PI4KA: variants seen among roughly 807,000 people sequenced by gnomAD.
PI4KA encodes phosphatidylinositol 4-kinase alpha.
Under a neutral mutation model 271.4 loss-of-function variants are expected in PI4KA, and 122 were observed. The ratio of observed to expected loss-of-function variants is 0.45; its 90% CI spans 0.39 to 0.52. The LOEUF (loss-of-function observed/expected upper bound fraction) is 0.52. Among genes scored for constraint, PI4KA ranks in the 20% least tolerant of loss-of-function variants. PI4KA has a pLI of 0.00. For synonymous variants in PI4KA, 1,041 were observed against 1,078.8 expected (o/e 0.96, Z 0.69); for missense variants, 1,969 against 2,769.1 (o/e 0.71, Z 6.48).
intron 23 of PI4KA, among the ~76,000 whole-genome samples, chr22:20,757,078 A>G (rs780840767): frequency 1.3e-5 from 2 of 152,212 alleles, no homozygotes; most frequent in Non-Finnish European, 2.9e-5. Flanking sequence ...TGAGAACATA[A>G]CAGAGGCTCA....
rs751454774 is a variant in PI4KA at position 20,786,833 on chromosome 22, T to C, written c.2328+6360A>G. On this transcript the variant is annotated intron_variant, in intron 19 of 54. Coordinates refer to ENST00000255882, the MANE Select transcript of PI4KA (RefSeq NM_058004.4). ...TTGTGCTGGGAACTCTAGCCCTCTG[T>C]GTGCTGACCTCCAGAATCTGACAAC... The C allele has an allele frequency of 3.8e-6, 6 of 1,589,154 alleles. No homozygotes were observed. In the East Asian group the frequency reaches 1.1e-4, roughly 30 times the overall value.
intron 36 of PI4KA, among the ~76,000 whole-genome samples, chr22:20,732,122 C>A (rs994330714): frequency 6.8e-6 from 1 of 148,130 alleles, no homozygotes; most frequent in Non-Finnish European, 1.5e-5. Context: ...TGCAGTGAGC[C>A]GAGATTGTGC....
intron 28 of PI4KA, among the ~76,000 whole-genome samples, chr22:20,748,182 C>T (rs1930314815): frequency 6.6e-6 from 1 of 152,286 alleles, no homozygotes; most frequent in South Asian, 2.1e-4. Context: ...TGACCAGCTA[C>T]TGCTCATTTG....
At position 20,817,279 on chromosome 22, in the gene PI4KA, T is replaced by C. The variant is rs560366218; in HGVS notation, c.856+1204A>G. On this transcript the variant is annotated intron_variant, in intron 7 of 54. Coordinates refer to ENST00000255882, the MANE Select transcript of PI4KA (RefSeq NM_058004.4). ...AAAAAGGAGAGACTATACTGAAGCA[T>C]GGAATTCTGCCTTCCCCATTTGCTG... Among the ~76,000 whole-genome samples, 8 of 152,268 alleles carry C rather than the reference T, an allele frequency of 5.3e-5. No individual in the cohort carries two copies. The East Asian group carries it at 1.5e-3, about 29-fold the overall frequency.
chr22:20,726,838 C>T (rs1207392050), intron 41 of PI4KA, among the ~76,000 whole-genome samples: 1 of 152,122 alleles, frequency 6.6e-6, no homozygotes, highest in East Asian at 1.9e-4. Flanking sequence ...GACCCTTCTC[C>T]ACCATCATCA....
chr22:20,842,120 C>A (rs993253122), intron 1 of PI4KA, among the ~76,000 whole-genome samples: 1 of 151,972 alleles, frequency 6.6e-6, no homozygotes, highest in Non-Finnish European at 1.5e-5. Flanking sequence ...CCCAGCTACT[C>A]GGGATGCTGA....
At position 20,796,191 on chromosome 22, in the gene PI4KA, C is replaced by T. The variant is rs199812318; in HGVS notation, c.2232G>A (p.Gly744=). ...LELFVQLGLE[G]KRASERASEK... Reference sequence around the variant, plus strand: ...CGCTTGCCCTCTCGCTGGCTCGCTTCCCCTCCAGCCCCAGCTGCACAAACA... The same window carrying T: ...CGCTTGCCCTCTCGCTGGCTCGCTTTCCCTCCAGCCCCAGCTGCACAAACA... Residue 744 remains glycine, a synonymous_variant, in exon 18 of 55, where the codon GGG becomes GGA. Coordinates refer to ENST00000255882, the MANE Select transcript of PI4KA (RefSeq NM_058004.4). 17 of 1,614,040 alleles carry T rather than the reference C, an allele frequency of 1.1e-5. No homozygotes were observed. The highest frequency in any genetic ancestry group is 3.3e-4 in the Middle Eastern group (2 of 6,058).
intron 32 of PI4KA, among the ~76,000 whole-genome samples, chr22:20,741,541 G>A (rs922474761): frequency 1.3e-5 from 2 of 152,224 alleles, no homozygotes; most frequent in African/African-American, 4.8e-5. Flanking sequence ...ACCCCACGAG[G>A]TTATAAAATA....
At chr22:20,821,846 C>T (rs560327625) in intron 4 of PI4KA, among the ~76,000 whole-genome samples, 9 of 152,210 alleles carry the variant, frequency 5.9e-5, no homozygotes, top group Non-Finnish European at 1.0e-4. Flanking sequence ...CCACCCACCT[C>T]GGCCTCCCAA....
At chr22:20,757,558 T>A (rs930892489) in intron 23 of PI4KA, among the ~76,000 whole-genome samples, 8 of 152,112 alleles carry the variant, frequency 5.3e-5, no homozygotes, top group African/African-American at 1.7e-4. Flanking sequence ...TTCCTTTTTT[T>A]TTTTGAGATG....
chr22:20,786,068 A>C, intron 19 of PI4KA: 1 of 1,614,136 alleles, frequency 6.2e-7, no homozygotes, highest in South Asian at 1.1e-5. Context: ...GGAGTCCCTG[A>C]AGTTGATGGG....
At chr22:20,718,202 G>A (rs1052150546) in intron 44 of PI4KA, among the ~76,000 whole-genome samples, 1 of 152,246 alleles carries the variant, frequency 6.6e-6, no homozygotes, top group Non-Finnish European at 1.5e-5. Flanking sequence ...AGCCCAGCCA[G>A]CGTGCCCAGC....
At position 20,780,012 on chromosome 22, in the gene PI4KA, C is replaced by T. The variant is rs773928062; in HGVS notation, c.2328+13181G>A. 29 of 1,614,050 alleles carry T rather than the reference C, an allele frequency of 1.8e-5. No individual in the cohort carries two copies. Among genetic ancestry groups the T allele is most frequent in the Non-Finnish European group, 2.5e-5 (29 of 1,180,040 alleles). ...TATCCAGAAGCAGTTTCCAATCCTG[C>T]TTGACTTCAAAACTAAAGTAAGAGA... On this transcript the variant is annotated intron_variant, in intron 19 of 54. Transcript: ENST00000255882.
At chr22:20,805,999 G>A (rs1305037086) in intron 10 of PI4KA, among the ~76,000 whole-genome samples, 1 of 152,018 alleles carries the variant, frequency 6.6e-6, no homozygotes, top group Non-Finnish European at 1.5e-5. Flanking sequence ...CCACCATGAT[G>A]CACGCACAAG....
intron 23 of PI4KA, among the ~76,000 whole-genome samples, chr22:20,753,736 G>C (rs9620496): frequency 6.6e-6 from 1 of 152,090 alleles, no homozygotes; most frequent in Non-Finnish European, 1.5e-5. Context: ...GCCCAGGCTG[G>C]AGTGTGGTGG....
At chr22:20,802,498 T>C (rs756373466) in intron 13 of PI4KA, among the ~76,000 whole-genome samples, 5 of 152,164 alleles carry the variant, frequency 3.3e-5, no homozygotes, top group Non-Finnish European at 4.4e-5. Context: ...CCTTAGAGCC[T>C]GAGAGAACCC....
At position 20,799,699 on chromosome 22, in the gene PI4KA, G is replaced by C; in HGVS notation, c.1792C>G (p.Arg598Gly). 1.3e-6 allele frequency: 2 copies of C among 1,552,812 alleles called. No individual in the cohort carries two copies. The highest frequency in any genetic ancestry group is 1.7e-6 in the Non-Finnish European group (2 of 1,147,462). ...VEAFLASLSN[R>G]LYISQESDKD... ...TCGCTCTCCTGAGAGATGTAGAGCCGGTTGGACAGGCTGGCCAAGAACGCC... is the reference window on the plus strand; with the variant it reads ...TCGCTCTCCTGAGAGATGTAGAGCCCGTTGGACAGGCTGGCCAAGAACGCC... The change falls in exon 15 of 55, where the codon CGG (arginine) becomes GGG (glycine). Residue 598 changes from arginine to glycine, a missense_variant. By Grantham distance (125) the Arg-to-Gly change is moderately radical. Transcript: ENST00000255882.
intron 32 of PI4KA, among the ~76,000 whole-genome samples, chr22:20,739,855 G>A (rs549282070): frequency 6.6e-6 from 1 of 152,098 alleles, no homozygotes; most frequent in African/African-American, 2.4e-5. Context: ...CTGCGGTCAG[G>A]AGTCCAAGAC....
chr22:20,818,733 C>A (rs1922177536), intron 6 of PI4KA, among the ~76,000 whole-genome samples, 184 bp from the exon 7 acceptor site: 1 of 152,288 alleles, frequency 6.6e-6, no homozygotes, highest in African/African-American at 2.4e-5. Flanking sequence ...TCACTAAATT[C>A]TTTGTGTTTA....
Sources: gnomAD v4.1 joint callset for allele counts (sites outside exome capture counted in the v4.1 genomes callset) on GRCh38, gnomAD v4.1.1 for gene constraint, MANE v1.5 for transcripts, NCBI Gene and HGNC (gene_info 2026-07-23, HGNC 2026-07-21) for gene names.